RNF38: variants seen among roughly 807,000 people sequenced by gnomAD.
RNF38 encodes the protein E3 ubiquitin-protein ligase RNF38.
A neutral mutation model predicts 67.2 loss-of-function variants in RNF38; 15 were observed. The observed-to-expected ratio is 0.22, with a 90% CI of 0.15 to 0.34. The LOEUF (loss-of-function observed/expected upper bound fraction) is 0.34, where lower values mean the gene tolerates loss of function less well. Among genes scored for constraint, RNF38 ranks in the 10% least tolerant of loss-of-function variants. RNF38 has a pLI of 1.00. For synonymous variants in RNF38, 220 were observed against 218.8 expected (o/e 1.01, Z -0.05); for missense variants, 524 against 639.9 (o/e 0.82, Z 1.95).
In RNF38 at chr9:36,395,399, C is replaced by T. The variant is rs970634540; in HGVS notation, c.12+4698G>A. Among the ~76,000 whole-genome samples, 4 of 151,502 alleles carry T rather than the reference C, an allele frequency of 2.6e-5. No individual in the cohort carries two copies. In the South Asian group the frequency reaches 6.2e-4, roughly 24 times the overall value. On this transcript the variant is annotated intron_variant, in intron 1 of 11. Coordinates refer to ENST00000259605, the MANE Select transcript of RNF38 (RefSeq NM_022781.5). ...TGACTTCTAAGCCAGTATGACATAA[C>T]GTACTTCTACAAAATAAGGTGTTCA...
At chr9:36,432,181 C>A (rs1213270065) in intron 1 of RNF38, among the ~76,000 whole-genome samples, 4 of 151,784 alleles carry the variant, frequency 2.6e-5, no homozygotes, top group Non-Finnish European at 4.4e-5. Context: ...ATTGCACAGG[C>A]TGGAGTGCAA....
intron 2 of RNF38, among the ~76,000 whole-genome samples, chr9:36,408,145 T>C (rs1402680789): frequency 6.6e-6 from 1 of 152,048 alleles, no homozygotes; most frequent in African/African-American, 2.4e-5. Flanking sequence ...GTCACCCAGG[T>C]TGAGGTGCAG....
At chr9:36,405,695 T>A (rs148108777), upstream of RNF38, among the ~76,000 whole-genome samples, 2,534 of 152,282 alleles carry the variant, frequency 0.017, 36 homozygotes, top group Non-Finnish European at 0.023. Context: ...TCCTGTTTTT[T>A]CTTTATTTCT....
exon 1 of RNF38, chr9:36,487,430 C>T: frequency 2.0e-6 from 2 of 979,766 alleles, no homozygotes; most frequent in South Asian, 4.5e-5. Context: ...CGGTGGGGGG[C>T]GCGGGCGGCG....
chr9:36,441,169 A>G (rs778754040), intron 1 of RNF38, among the ~76,000 whole-genome samples: 4 of 152,152 alleles, frequency 2.6e-5, no homozygotes, highest in Admixed American at 6.5e-5. Context: ...TAATGTACTA[A>G]GGTTACAAAA....
intron 1 of RNF38, among the ~76,000 whole-genome samples, chr9:36,460,717 A>G (rs1236519374): frequency 6.6e-6 from 1 of 150,968 alleles, no homozygotes; most frequent in East Asian, 2.0e-4. Flanking sequence ...GAGAAACCCC[A>G]TCTCTACTAA....
At chr9:36,371,448 T>C (rs1378108028) in intron 3 of RNF38, among the ~76,000 whole-genome samples, 1 of 150,480 alleles carries the variant, frequency 6.6e-6, no homozygotes, top group East Asian at 1.9e-4. Flanking sequence ...AAAAGCTTTT[T>C]TTTTTTTTTT....
rs573710626 is a variant in RNF38, at chr9:36,454,621, C to T, written n.242-29938G>A. 7.1e-3 allele frequency among the ~76,000 whole-genome samples: 861 copies of T among 120,654 alleles called. 6 individuals are homozygous for T. Among genetic ancestry groups the T allele is most frequent in the Non-Finnish European group, 9.7e-3 (602 of 62,074 alleles). The allele number at this position is 120,654 out of a possible 152,430, so 79.2% of individuals were successfully genotyped here. ...TTTTTGAGACGGAGTCTTACTCTGTCGCCCCGGCTGCAGTGCAGTGGCACA... is the reference window on the plus strand; with the variant it reads ...TTTTTGAGACGGAGTCTTACTCTGTTGCCCCGGCTGCAGTGCAGTGGCACA... On this transcript the variant is annotated intron_variant and non_coding_transcript_variant, in intron 1 of 3. Transcript: ENST00000488058.
At chr9:36,413,770 T>G (rs1201621272) in intron 2 of RNF38, among the ~76,000 whole-genome samples, 2 of 152,232 alleles carry the variant, frequency 1.3e-5, no homozygotes, top group Non-Finnish European at 2.9e-5. Flanking sequence ...TCACTTTTGT[T>G]GTATAGTTCA....
chr9:36,427,703 CTA>C (rs1838812569), intron 1 of RNF38, among the ~76,000 whole-genome samples: 1 of 104,112 alleles, frequency 9.6e-6, no homozygotes, highest in Admixed American at 1.0e-4. Flanking sequence ...ATCTATCTAT[CTA>C]CCTACCTATC....
intron 3 of RNF38, chr9:36,372,653 C>T (rs1249537714): frequency 1.7e-6 from 1 of 595,764 alleles, no homozygotes; most frequent in Non-Finnish European, 3.1e-6. Flanking sequence ...GAAAAAAACA[C>T]TAGGAGAGCC....
intron 2 of RNF38, among the ~76,000 whole-genome samples, chr9:36,415,404 T>C (rs1483644930): frequency 6.6e-6 from 1 of 152,156 alleles, no homozygotes; most frequent in East Asian, 1.9e-4. Flanking sequence ...TCTCTGGAGA[T>C]TTTTTTGTCC....
chr9:36,405,525 A>G (rs1202023525), upstream of RNF38, among the ~76,000 whole-genome samples: 3 of 152,206 alleles, frequency 2.0e-5, no homozygotes, highest in African/African-American at 7.2e-5. Flanking sequence ...AAGTTTTGTT[A>G]CAAAGACTTA....
intron 1 of RNF38, among the ~76,000 whole-genome samples, chr9:36,449,663 C>T (rs1839390518): frequency 6.6e-6 from 1 of 152,050 alleles, no homozygotes; most frequent in Non-Finnish European, 1.5e-5. Flanking sequence ...TCTCGATCTC[C>T]GAATCTTGTG....
intron 2 of RNF38, among the ~76,000 whole-genome samples, chr9:36,417,348 T>C (rs1008398977): frequency 6.6e-6 from 1 of 152,210 alleles, no homozygotes; most frequent in Non-Finnish European, 1.5e-5. Context: ...CTCCACACAC[T>C]GTTTTGTCCA....
chr9:36,366,969 T>C (rs1291306439), intron 4 of RNF38, among the ~76,000 whole-genome samples: 1 of 152,204 alleles, frequency 6.6e-6, no homozygotes, highest in Non-Finnish European at 1.5e-5. Flanking sequence ...TTCACTAACT[T>C]CACAGAGTGA....
At chr9:36,376,226 A>T (rs983427980) in intron 2 of RNF38, 99 bp from the exon 3 acceptor site, 11 of 907,286 alleles carry the variant, frequency 1.2e-5, no homozygotes, top group Admixed American at 3.3e-5. Flanking sequence ...CCTAAAATCT[A>T]AAAATGTAAA....
At chr9:36,400,907 C>CCGCCG (rs1240148506), upstream of RNF38, 3 of 917,528 alleles carry the variant, frequency 3.3e-6, no homozygotes, top group African/African-American at 5.3e-5. Flanking sequence ...CCTCCCCGCC[C>CCGCCG]CGCCGCGCCC....
Position 36,376,277 on chromosome 9 carries a change from CT to C in RNF38, c.163-151del, listed in dbSNP as rs1368305875. The C allele has an allele frequency of 1.5e-5, 9 of 587,574 alleles. No homozygotes were observed. In the African/African-American group the frequency reaches 1.8e-4, roughly 11 times the overall value. 36.4% of individuals were successfully genotyped at this position (587,574 alleles called of 1,614,324 possible). A position where few individuals can be genotyped will look rare whatever the true frequency, so the allele number is the denominator to read the frequency against. ...TATGCTATCAATTCAAATTTAAAAC[CT>C]TTAAAAAATGCTGGGATGGGGTAGA... On this transcript the variant is annotated intron_variant, in intron 2 of 11. Coordinates refer to ENST00000259605, the MANE Select transcript of RNF38 (RefSeq NM_022781.5).
Sources: allele counts gnomAD v4.1 joint callset (sites outside exome capture counted in the v4.1 genomes callset), GRCh38; gene constraint gnomAD v4.1.1; transcripts MANE v1.5; gene names NCBI Gene and HGNC (gene_info 2026-07-23, HGNC 2026-07-21).